IQSEC1: variants seen among roughly 807,000 people sequenced by gnomAD.
IQSEC1 encodes IQ motif and SEC7 domain-containing protein 1.
Under a neutral mutation model 91.0 loss-of-function variants are expected in IQSEC1, and 31 were observed. The ratio of observed to expected loss-of-function variants is 0.34; its 90% CI spans 0.26 to 0.46. The LOEUF (loss-of-function observed/expected upper bound fraction) is 0.46, where lower values mean the gene tolerates loss of function less well. Ranked by LOEUF, IQSEC1 falls within the 20% of genes least tolerant of loss-of-function variation. The pLI is 1.00. For missense variants in IQSEC1, 1,388 were observed against 1,575.6 expected (o/e 0.88, Z 2.02); for synonymous variants, 699 against 662.6 (o/e 1.05, Z -0.84).
intron 1 of IQSEC1, among the ~76,000 whole-genome samples, chr3:13,248,738 C>T (rs569202908): frequency 3.1e-5 from 4 of 130,148 alleles, no homozygotes; most frequent in African/African-American, 1.5e-4. Context: ...GTCGTACAGA[C>T]CAGGCTATTT....
At position 12,999,382 on chromosome 3, in the gene IQSEC1, T is replaced by C. The variant is rs951992133; in HGVS notation, c.24-57517A>G. ...TGCCTTGCATGACTTCTAAAATCCCTCCCAGCTCGGCAGTGTGCTGTTCCT... is the reference window on the plus strand; with the variant it reads ...TGCCTTGCATGACTTCTAAAATCCCCCCCAGCTCGGCAGTGTGCTGTTCCT... On this transcript the variant is annotated intron_variant, in intron 1 of 13. Coordinates refer to ENST00000613206, the MANE Select transcript of IQSEC1 (RefSeq NM_001134382.3). Among the ~76,000 whole-genome samples, 3 of 152,160 alleles carry C rather than the reference T, an allele frequency of 2.0e-5. No individual in the cohort carries two copies. The South Asian group carries it at 6.2e-4, about 31-fold the overall frequency.
At chr3:13,177,344 A>T (rs1693751061) in intron 1 of IQSEC1, among the ~76,000 whole-genome samples, 1 of 151,926 alleles carries the variant, frequency 6.6e-6, no homozygotes, top group Non-Finnish European at 1.5e-5. Context: ...TGCCACCCCC[A>T]CCCCATCCCC....
Position 12,901,521 on chromosome 3 carries a change from C to T in IQSEC1, c.2807G>A (p.Gly936Glu), listed in dbSNP as rs1439624564. 1 of 1,546,490 alleles carries T rather than the reference C, an allele frequency of 6.5e-7. No homozygotes were observed. Among genetic ancestry groups the T allele is most frequent in the Non-Finnish European group, 8.7e-7 (1 of 1,145,408 alleles). The change falls in exon 14 of 14, where the codon GGG becomes GAG. Residue 936 changes from glycine (G) to glutamate (E), a missense_variant and splice_region_variant. Coordinates refer to ENST00000613206, the MANE Select transcript of IQSEC1 (RefSeq NM_001134382.3). ...SAGSLESNVE[G>E]SIISSPHMRR... is the part of the protein sequence containing the mutation. ...CATGTGAGGACTGCTAATGATGGACCCCTAAAAAGGAAATTCATAGAAATC... is the reference window on the plus strand; with the variant it reads ...CATGTGAGGACTGCTAATGATGGACTCCTAAAAAGGAAATTCATAGAAATC...
In IQSEC1 at chr3:12,973,667, G is replaced by C. The variant is rs544189066; in HGVS notation, c.24-31802C>G. On this transcript the variant is annotated intron_variant, in intron 1 of 13. Coordinates refer to ENST00000613206, the MANE Select transcript of IQSEC1 (RefSeq NM_001134382.3). ...CCCATTTACCCTGATGTGATTATTA[G>C]GCATTGCATGCCTATATCAAAATAT... Among the ~76,000 whole-genome samples the C allele has an allele frequency of 8.5e-5, 13 of 152,262 alleles. 1 individual carries two copies. The South Asian group carries it at 1.7e-3, about 19-fold the overall frequency.
chr3:12,924,597 T>G lies in IQSEC1; in HGVS notation c.1714A>C (p.Asn572His), dbSNP rs1275244031. The G allele has an allele frequency of 6.2e-7, 1 of 1,605,944 alleles. No homozygotes were observed. Among genetic ancestry groups the G allele is most frequent in the South Asian group, 1.1e-5 (1 of 89,984 alleles). Residue 572 changes from asparagine (N) to histidine (H), a missense_variant, in exon 4 of 14, where the codon AAC (asparagine) becomes CAC (histidine). Asn to His is a moderately conservative substitution (Grantham distance 68, BLOSUM62 1). Coordinates refer to ENST00000613206, the MANE Select transcript of IQSEC1 (RefSeq NM_001134382.3). This position sits in a 1 kb window ranked among gnomAD's most constrained non-coding sequence, Gnocchi z 6.3. ...EFLGNRQKQFNRDVLDCVVDE... is the reference protein window; with the variant it reads ...EFLGNRQKQFHRDVLDCVVDE... ...AGAACTTACTCGAGCACGTCACGGT[T>G]GAACTGCTTCTGCCGGTTGCCCAGG...
Position 13,193,308 on chromosome 3 carries a change from C to T in IQSEC1, c.273-29175G>A, listed in dbSNP as rs1218559478. 2.6e-5 allele frequency among the ~76,000 whole-genome samples: 4 copies of T among 152,328 alleles called. No homozygotes were observed. The highest frequency in any genetic ancestry group is 1.3e-4 in the Admixed American group (2 of 15,302). On this transcript the variant is annotated intron_variant, in intron 1 of 15. Coordinates refer to the IQSEC1 transcript ENST00000648114. This position sits in a 1 kb window ranked among gnomAD's most constrained non-coding sequence, Gnocchi z 4.2. ...GATGACTGCGCTTCTGAGCCATTTC[C>T]GGCCTGTGGCAATGTCTTTTACATT...
intron 2 of IQSEC1, among the ~76,000 whole-genome samples, chr3:13,141,319 G>A (rs1015625773): frequency 3.3e-5 from 5 of 152,216 alleles, no homozygotes; most frequent in African/African-American, 4.8e-5. Flanking sequence ...CAGCCTCGAT[G>A]TGCACAGGGT....
chr3:13,188,125 G>A (rs1335497788), intron 1 of IQSEC1, among the ~76,000 whole-genome samples: 1 of 152,162 alleles, frequency 6.6e-6, no homozygotes, highest in Non-Finnish European at 1.5e-5. Context: ...TTAGACCTCT[G>A]GTAGGACCTG....
chr3:13,226,682 T>C (rs1694759681), intron 1 of IQSEC1, among the ~76,000 whole-genome samples: 1 of 152,120 alleles, frequency 6.6e-6, no homozygotes, highest in South Asian at 2.1e-4. Flanking sequence ...ACTCCTTCAA[T>C]AATGCCCCAG....
At chr3:13,156,131 C>CT (rs1385447994) in intron 2 of IQSEC1, among the ~76,000 whole-genome samples, 1 of 151,378 alleles carries the variant, frequency 6.6e-6, no homozygotes, top group African/African-American at 2.4e-5. Context: ...ACTCAGGAGG[C>CT]TGAGGCAGGA....
intron 2 of IQSEC1, among the ~76,000 whole-genome samples, chr3:13,154,454 T>TACACACACATAC (rs1559265503): frequency 1.9e-5 from 1 of 52,736 alleles, no homozygotes. Context: ...TATATATATA[T>TACACACACATAC]ATATATATAT....
chr3:13,015,637 C>A (rs566182040), intron 1 of IQSEC1: 1 of 985,316 alleles, frequency 1.0e-6, no homozygotes, highest in South Asian at 4.7e-5. Flanking sequence ...CCTGCCTCTG[C>A]GGCCCCGGGG....
At chr3:13,078,124 G>A (rs896376873), upstream of IQSEC1, among the ~76,000 whole-genome samples, 3 of 152,212 alleles carry the variant, frequency 2.0e-5, no homozygotes, top group African/African-American at 7.2e-5. Context: ...GAGGAAGGGG[G>A]CGTGGGAGAC....
chr3:13,228,244 G>T (rs1188120023), intron 1 of IQSEC1, among the ~76,000 whole-genome samples: 7 of 152,154 alleles, frequency 4.6e-5, no homozygotes, highest in Admixed American at 3.9e-4. Context: ...AGGCGCATAG[G>T]AACACACTGT....
chr3:13,260,640 C>T (rs1695365426), intron 1 of IQSEC1, among the ~76,000 whole-genome samples: 1 of 152,214 alleles, frequency 6.6e-6, no homozygotes, highest in Non-Finnish European at 1.5e-5. Flanking sequence ...AGGCCTGACC[C>T]GCCGCTGCCT....
intron 2 of IQSEC1, among the ~76,000 whole-genome samples, chr3:13,080,416 T>C (rs1414468045): frequency 6.6e-6 from 1 of 152,094 alleles, no homozygotes; most frequent in African/African-American, 2.4e-5. Context: ...CCTTTGTCTA[T>C]ACAGGGACAC....
chr3:13,013,354 C>T (rs1702977525), intron 1 of IQSEC1, among the ~76,000 whole-genome samples: 2 of 152,186 alleles, frequency 1.3e-5, no homozygotes, highest in African/African-American at 2.4e-5. Context: ...TCCCAGAAGC[C>T]ACTGGAGTTA....
intron 1 of IQSEC1, among the ~76,000 whole-genome samples, chr3:13,006,195 G>T (rs934857469): frequency 6.6e-6 from 1 of 152,190 alleles, no homozygotes; most frequent in East Asian, 1.9e-4. Context: ...TGAGCTGGGG[G>T]CTACTTCCCC....
intron 1 of IQSEC1, among the ~76,000 whole-genome samples, chr3:13,047,223 C>G (rs1008761043): frequency 6.6e-6 from 1 of 152,200 alleles, no homozygotes; most frequent in Admixed American, 6.5e-5. Flanking sequence ...CAGCTGAGCT[C>G]TGGTCTTTGG....
Sources: allele counts gnomAD v4.1 joint callset (sites outside exome capture counted in the v4.1 genomes callset), GRCh38; gene constraint gnomAD v4.1.1; non-coding constraint Gnocchi (gnomAD v3.1); transcripts MANE v1.5; gene names NCBI Gene and HGNC (gene_info 2026-07-23, HGNC 2026-07-21).